Variants in ADGRG6 observed in about 807,000 individuals in gnomAD.
ADGRG6 encodes G-protein coupled receptor 126.
ADGRG6 carries 84 observed loss-of-function variants against 142.4 expected under a neutral mutation model. The ratio of observed to expected loss-of-function variants is 0.59; its 90% CI spans 0.49 to 0.71. The LOEUF is 0.71. Ranked by LOEUF, ADGRG6 falls within the 30% of genes least tolerant of loss-of-function variation. The pLI is 0.00. For synonymous variants in ADGRG6, 521 were observed against 520.5 expected (o/e 1.00, Z -0.01); for missense variants, 1,367 against 1,466.6 (o/e 0.93, Z 1.11).
intron 22 of ADGRG6, among the ~76,000 whole-genome samples, chr6:142,436,747 C>T (rs1217747860): frequency 6.6e-6 from 1 of 152,090 alleles, no homozygotes; most frequent in Admixed American, 6.6e-5. Flanking sequence ...AGCAAATGCC[C>T]TGAAAAGTTA....
chr6:142,392,786 C>T (rs1774963573), intron 7 of ADGRG6, among the ~76,000 whole-genome samples, 162 bp from the exon 8 acceptor site: 1 of 151,946 alleles, frequency 6.6e-6, no homozygotes, highest in Admixed American at 6.6e-5. Context: ...ATACAGTGAT[C>T]CATTAACTGT....
intron 2 of ADGRG6, among the ~76,000 whole-genome samples, chr6:142,330,581 A>T (rs1301858967): frequency 1.3e-5 from 2 of 152,188 alleles, no homozygotes; most frequent in Non-Finnish European, 2.9e-5. Flanking sequence ...TCTGTTCAGA[A>T]TCAAGAAACA....
chr6:142,370,974 T>C (rs1280956480), intron 4 of ADGRG6, 181 bp downstream of exon 4: 1 of 622,148 alleles, frequency 1.6e-6, no homozygotes, highest in Non-Finnish European at 2.7e-6. Flanking sequence ...TCTGCTCAGC[T>C]CTTATAGCAC....
At chr6:142,419,617 T>A (rs1486786825) in intron 21 of ADGRG6, among the ~76,000 whole-genome samples, 1 of 152,052 alleles carries the variant, frequency 6.6e-6, no homozygotes, top group African/African-American at 2.4e-5. Flanking sequence ...TACCTAGATA[T>A]TAAGACAATG....
intron 2 of ADGRG6, among the ~76,000 whole-genome samples, chr6:142,319,229 C>T (rs949190999): frequency 3.3e-5 from 5 of 152,078 alleles, no homozygotes; most frequent in Non-Finnish European, 7.4e-5. Context: ...CTTGCTCAAA[C>T]GCATATTTAG....
At position 142,332,492 on chromosome 6, in the gene ADGRG6, C is replaced by CT. The variant is rs11314004; in HGVS notation, c.103+22861dup. Among the ~76,000 whole-genome samples the CT allele has an allele frequency of 4.5e-3, 633 of 141,688 alleles. 2 individuals are homozygous for CT. The highest frequency in any genetic ancestry group is 7.4e-3 in the Middle Eastern group (2 of 272). 93.0% of individuals were successfully genotyped at this position (141,688 alleles called of 152,430 possible). A position where few individuals can be genotyped will look rare whatever the true frequency, so the allele number is the denominator to read the frequency against. On this transcript the variant is annotated intron_variant, in intron 2 of 24. Transcript: ENST00000367609. ...AATTTTTTAACTAGCATGTTTTTTG[C>CT]TTTTTTTTTTTTTGTGAAGGAAGTC... is the stretch of plus-strand genomic sequence containing the variant.
At chr6:142,318,186 A>T (rs866138221) in intron 2 of ADGRG6, among the ~76,000 whole-genome samples, 1 of 34,734 alleles carries the variant, frequency 2.9e-5, no homozygotes, top group Admixed American at 5.3e-4. Flanking sequence ...TATATTATAT[A>T]TTATATATTT....
intron 5 of ADGRG6, among the ~76,000 whole-genome samples, chr6:142,383,153 A>C (rs1269585605): frequency 1.3e-5 from 2 of 152,190 alleles, no homozygotes; most frequent in South Asian, 4.1e-4. Flanking sequence ...TAATACTTTG[A>C]AAATGTCTCC....
intron 2 of ADGRG6, among the ~76,000 whole-genome samples, chr6:142,338,013 C>CTTTTTTTTT (rs1779405902): frequency 1.2e-4 from 3 of 26,044 alleles, no homozygotes; most frequent in African/African-American, 3.6e-4. Context: ...TGCCTTGTAT[C>CTTTTTTTTT]TTTGTTTTTT....
chr6:142,364,164 C>G (rs1307295150), intron 2 of ADGRG6, among the ~76,000 whole-genome samples: 3 of 151,886 alleles, frequency 2.0e-5, no homozygotes, highest in Admixed American at 2.0e-4. Flanking sequence ...GGTAATAATT[C>G]TCAGGGTTAT....
intron 22 of ADGRG6, among the ~76,000 whole-genome samples, chr6:142,423,009 G>C (rs1380142494): frequency 6.6e-6 from 1 of 152,004 alleles, no homozygotes; most frequent in Non-Finnish European, 1.5e-5. Context: ...TTTTGATGGG[G>C]TTGTTTGTTT....
At chr6:142,438,748 G>C (rs1489433628) in intron 24 of ADGRG6, among the ~76,000 whole-genome samples, 1 of 152,078 alleles carries the variant, frequency 6.6e-6, no homozygotes, top group Non-Finnish European at 1.5e-5. Context: ...TTGGGAACAG[G>C]AAGAAACAAT....
chr6:142,372,143 A>T (rs1426260425), intron 4 of ADGRG6, among the ~76,000 whole-genome samples: 1 of 152,198 alleles, frequency 6.6e-6, no homozygotes, highest in Non-Finnish European at 1.5e-5. Flanking sequence ...ATTAAAATAG[A>T]TCTCCACCTA....
At position 142,370,409 on chromosome 6, in the gene ADGRG6, T is replaced by G. The variant is rs1439904625; in HGVS notation, c.685T>G (p.Ser229Ala). Residue 229 changes from serine to alanine, a missense_variant, in exon 4 of 25, where the codon TCA becomes GCA. Ser to Ala is a moderately conservative substitution (Grantham distance 99). This residue lies in a region of ADGRG6 where 737 missense variants were observed against 746.5 expected (regional missense o/e 0.99). Coordinates refer to ENST00000367609, the MANE Select transcript of ADGRG6 (RefSeq NM_198569.3). Reference sequence around the variant, plus strand: ...TGGCTACTTTCTATCCATTTCTGATTCAAAATGTTTGTTGAATAATGCATT... The same window carrying G: ...TGGCTACTTTCTATCCATTTCTGATGCAAAATGTTTGTTGAATAATGCATT... Reference protein sequence around the residue: ...KSGYFLSISDSKCLLNNALPV... With the variant: ...KSGYFLSISDAKCLLNNALPV... The G allele has an allele frequency of 1.2e-6, 2 of 1,613,578 alleles. No homozygotes were observed. The highest frequency in any genetic ancestry group is 1.7e-6 in the Non-Finnish European group (2 of 1,179,710).
chr6:142,348,160 A>G (rs1779995844), intron 2 of ADGRG6, among the ~76,000 whole-genome samples: 1 of 152,136 alleles, frequency 6.6e-6, no homozygotes, highest in South Asian at 2.1e-4. Flanking sequence ...GAGAATCATC[A>G]TACCGCCCGC....
At chr6:142,416,086 T>C in intron 20 of ADGRG6, 22 bp downstream of exon 20, 1 of 1,576,282 alleles carries the variant, frequency 6.3e-7, no homozygotes, top group East Asian at 2.3e-5. Context: ...AAAATTTTTT[T>C]GGTTTTGTTT....
chr6:142,321,856 G>A (rs1778535900), intron 2 of ADGRG6, among the ~76,000 whole-genome samples: 1 of 152,052 alleles, frequency 6.6e-6, no homozygotes, highest in Admixed American at 6.6e-5. Flanking sequence ...TATTAGAACA[G>A]TCTCATCCAG....
At chr6:142,322,709 T>G (rs1455766559) in intron 2 of ADGRG6, among the ~76,000 whole-genome samples, 3 of 152,162 alleles carry the variant, frequency 2.0e-5, no homozygotes, top group Admixed American at 6.6e-5. Flanking sequence ...AAAGTAGAGA[T>G]AAAACATGGG....
At chr6:142,409,134 G>T (rs1775959238) in intron 16 of ADGRG6, among the ~76,000 whole-genome samples, 2 of 152,088 alleles carry the variant, frequency 1.3e-5, no homozygotes, top group South Asian at 4.1e-4. Context: ...CATCTCCCCA[G>T]TTGAAACTCT....
Sources: allele counts gnomAD v4.1 joint callset (sites outside exome capture counted in the v4.1 genomes callset), GRCh38; gene constraint gnomAD v4.1.1; regional missense constraint gnomAD v4.1.1; transcripts MANE v1.5; gene names NCBI Gene and HGNC (gene_info 2026-07-23, HGNC 2026-07-21).